The following TSNARE1 variants were observed in gnomAD, a reference collection of about 807,000 sequenced individuals.
TSNARE1 encodes the protein t-SNARE domain containing 1.
In TSNARE1, 49 loss-of-function variants were observed where a neutral mutation model predicts 62.0. The ratio of observed to expected loss-of-function variants is 0.79; its 90% CI spans 0.63 to 1.00. The LOEUF (loss-of-function observed/expected upper bound fraction) is 1.00, where lower values mean the gene tolerates loss of function less well. Ranked by LOEUF, TSNARE1 falls within the 50% of genes least tolerant of loss-of-function variation. The probability of loss-of-function intolerance (pLI) is 0.00; values close to 1 mark genes in which losing one functional copy is unlikely to be tolerated. For synonymous variants in TSNARE1, 328 were observed against 294.4 expected (o/e 1.11, Z -1.17); for missense variants, 755 against 700.1 (o/e 1.08, Z -0.88).
intron 2 of TSNARE1, among the ~76,000 whole-genome samples, chr8:142,352,151 G>A (rs1834174258): frequency 6.6e-6 from 1 of 152,240 alleles, no homozygotes; most frequent in South Asian, 2.1e-4. Flanking sequence ...AAACCCACCT[G>A]ATGAGGCTTT....
At chr8:142,318,523 C>G (rs1229632145) in intron 7 of TSNARE1, 21 bp downstream of exon 7, 2 of 1,608,496 alleles carry the variant, frequency 1.2e-6, no homozygotes, top group Non-Finnish European at 1.7e-6. Flanking sequence ...TCCCTCCCAG[C>G]CCCAGACCCC....
intron 1 of TSNARE1, among the ~76,000 whole-genome samples, chr8:142,363,559 G>A (rs1327592424): frequency 6.6e-6 from 1 of 152,134 alleles, no homozygotes; most frequent in African/African-American, 2.4e-5. Context: ...ACTGGTCCCT[G>A]CAGGAACACA....
At chr8:142,300,202 G>A (rs540247047) in intron 10 of TSNARE1, 2 of 321,998 alleles carry the variant, frequency 6.2e-6, no homozygotes, top group Non-Finnish European at 1.1e-5. Flanking sequence ...GTGACTGAGA[G>A]GCTACCCCAG....
chr8:142,346,200 A>T (rs1833348724), intron 2 of TSNARE1, among the ~76,000 whole-genome samples: 1 of 152,226 alleles, frequency 6.6e-6, no homozygotes, highest in Non-Finnish European at 1.5e-5. Context: ...GACAGCTATT[A>T]CCAGTCAGCA....
At chr8:142,379,783 G>C (rs1170472549) in intron 1 of TSNARE1, among the ~76,000 whole-genome samples, 1 of 152,174 alleles carries the variant, frequency 6.6e-6, no homozygotes, top group Non-Finnish European at 1.5e-5. Flanking sequence ...AGCCTCCAGG[G>C]CTCCAGGCTG....
intron 1 of TSNARE1, among the ~76,000 whole-genome samples, chr8:142,373,743 G>A (rs948443096): frequency 8.6e-5 from 13 of 151,940 alleles, no homozygotes; most frequent in African/African-American, 2.2e-4. Context: ...CCATCAGGGC[G>A]AGACCTAGAC....
chr8:142,336,858 T>C (rs573065079), intron 4 of TSNARE1, among the ~76,000 whole-genome samples: 5 of 152,258 alleles, frequency 3.3e-5, no homozygotes, highest in African/African-American at 4.8e-5. Context: ...TAACAGAAAG[T>C]TATCTGTGAA....
rs149938585 is a variant in TSNARE1, at chr8:142,330,865, G to C, written c.893+36C>G. ...GCCCCTGCCCCCCAATGTGCACCAC[G>C]CCCAGGCAAAGAGATACCATGGCCC... On this transcript the variant is annotated intron_variant, in intron 6 of 13. Coordinates refer to ENST00000524325, the MANE Select transcript of TSNARE1 (RefSeq NM_145003.5). 730 of 1,609,512 alleles carry C rather than the reference G, an allele frequency of 4.5e-4. 8 individuals carry two copies. The African/African-American group carries it at 8.3e-3, about 18-fold the overall frequency.
chr8:142,259,687 A>G (rs991748190), intron 12 of TSNARE1, among the ~76,000 whole-genome samples: 3 of 152,132 alleles, frequency 2.0e-5, no homozygotes, highest in African/African-American at 7.2e-5. Flanking sequence ...CCCCACAAGC[A>G]GCCTCTTACA....
intron 9 of TSNARE1, among the ~76,000 whole-genome samples, chr8:142,312,120 T>C (rs988654019): frequency 1.3e-5 from 2 of 152,248 alleles, no homozygotes; most frequent in Non-Finnish European, 2.9e-5. Flanking sequence ...ACATTCCTCA[T>C]CAAAAATCCA....
chr8:142,328,934 C>T (rs183221010), intron 6 of TSNARE1, among the ~76,000 whole-genome samples: 106 of 152,108 alleles, frequency 7.0e-4, no homozygotes, highest in African/African-American at 2.2e-3. Context: ...TGAATGTATT[C>T]GGGTGGAAGG....
chr8:142,322,144 G>A (rs965708827), intron 6 of TSNARE1, among the ~76,000 whole-genome samples: 2 of 152,128 alleles, frequency 1.3e-5, no homozygotes, highest in Non-Finnish European at 2.9e-5. Context: ...AATTTAACAA[G>A]GAGAAAAACA....
At chr8:142,287,961 C>T (rs1168335941) in intron 10 of TSNARE1, among the ~76,000 whole-genome samples, 1 of 152,254 alleles carries the variant, frequency 6.6e-6, no homozygotes, top group Non-Finnish European at 1.5e-5. Context: ...GTGGGGCTCC[C>T]TTCAGGACGT....
At chr8:142,384,841 T>C (rs1468708754) in intron 1 of TSNARE1, among the ~76,000 whole-genome samples, 1 of 152,186 alleles carries the variant, frequency 6.6e-6, no homozygotes, top group Non-Finnish European at 1.5e-5. Context: ...TGGGATTTTA[T>C]CAAAATTAAA....
chr8:142,400,612 C>A (rs1408609280), intron 1 of TSNARE1, among the ~76,000 whole-genome samples: 1 of 152,108 alleles, frequency 6.6e-6, no homozygotes, highest in Non-Finnish European at 1.5e-5. Flanking sequence ...TGGTGGCAGG[C>A]ACCTGTAGTC....
chr8:142,293,839 G>A (rs1824229836), intron 10 of TSNARE1, among the ~76,000 whole-genome samples: 1 of 152,208 alleles, frequency 6.6e-6, no homozygotes, highest in South Asian at 2.1e-4. Flanking sequence ...AGCCCCATGG[G>A]GCCCTCAGCA....
intron 12 of TSNARE1, among the ~76,000 whole-genome samples, chr8:142,238,657 C>G (rs986782504): frequency 6.6e-6 from 1 of 151,998 alleles, no homozygotes; most frequent in Non-Finnish European, 1.5e-5. Flanking sequence ...CTCCTCCTGC[C>G]TCACCTCCCC....
At chr8:142,241,616 A>G (rs1423106855) in intron 12 of TSNARE1, among the ~76,000 whole-genome samples, 1 of 152,266 alleles carries the variant, frequency 6.6e-6, no homozygotes, top group Non-Finnish European at 1.5e-5. Flanking sequence ...CCACAAAGCT[A>G]TGGTAACCAA....
rs548427584 is a variant in TSNARE1, at chr8:142,215,659, G to A, written c.*12-3346C>T. On this transcript the variant is annotated intron_variant, in intron 13 of 13. Transcript: ENST00000524325. The stretch of plus-strand genomic sequence containing the variant: ...TCACACCTGGAGGGCAGACTGAGCC[G>A]AGAGAGGGGAAGGGCAGGCCAAGGG... Among the ~76,000 whole-genome samples, 231 of 152,234 alleles carry A rather than the reference G, an allele frequency of 1.5e-3. 1 individual carries two copies. Among genetic ancestry groups the A allele is most frequent in the Non-Finnish European group, 4.6e-4 (31 of 67,990 alleles).
Sources: allele counts gnomAD v4.1 joint callset (sites outside exome capture counted in the v4.1 genomes callset), GRCh38; gene constraint gnomAD v4.1.1; transcripts MANE v1.5; gene names NCBI Gene and HGNC (gene_info 2026-07-23, HGNC 2026-07-21).